Variants in CLIP4 observed in about 807,000 individuals in gnomAD.
The protein encoded by CLIP4 is CAP-Gly domain containing linker protein family member 4, also known as CAP-Gly domain-containing linker protein 4.
Under a neutral mutation model 73.1 loss-of-function variants are expected in CLIP4, and 47 were observed. The observed-to-expected ratio is 0.64, with a 90% CI of 0.51 to 0.82. The LOEUF is 0.82. Among genes scored for constraint, CLIP4 ranks in the 40% least tolerant of loss-of-function variants. CLIP4 has a pLI of 0.00. For missense variants in CLIP4, 874 were observed against 852.9 expected, an observed-to-expected ratio of 1.02 and a Z score of -0.31; for synonymous variants, 306 against 295.4, an observed-to-expected ratio of 1.04 and a Z score of -0.37.
Position 29,161,982 on chromosome 2 carries a change from G to C in CLIP4, c.1534+1515G>C, listed in dbSNP as rs80215034. Among the ~76,000 whole-genome samples, 1,066 of 152,262 alleles carry C rather than the reference G, an allele frequency of 7.0e-3. 10 individuals carry two copies. Among genetic ancestry groups the C allele is most frequent in the African/African-American group, 0.024 (1,000 of 41,534 alleles). On this transcript the variant is annotated intron_variant, in intron 12 of 15. Coordinates refer to ENST00000320081, the MANE Select transcript of CLIP4 (RefSeq NM_024692.6). ...AAGCCAACTGCGTGATTTGAGTTAG[G>C]TGTTTTATAATTCATGACTTTCTTA...
chr2:29,142,322 A>G (rs79498864), intron 6 of CLIP4, among the ~76,000 whole-genome samples: 1 of 151,364 alleles, frequency 6.6e-6, no homozygotes, highest in African/African-American at 2.4e-5. Context: ...TTTTTTTTTA[A>G]CAGAAGTTTC....
chr2:29,167,594 T>G (rs1005101001), intron 14 of CLIP4, 54 bp downstream of exon 14: 19 of 1,409,354 alleles, frequency 1.3e-5, no homozygotes, highest in Non-Finnish European at 1.9e-5. Flanking sequence ...TTTCATTTAT[T>G]GAAAAATTTT....
At chr2:29,151,412 TGA>T (rs150784503) in intron 8 of CLIP4, among the ~76,000 whole-genome samples, 11 of 151,278 alleles carry the variant, frequency 7.3e-5, no homozygotes, top group Middle Eastern at 3.4e-3. Context: ...TCACCAGGCT[TGA>T]GAGAGAGAGA....
At chr2:29,117,302 T>A (rs2197620) in intron 1 of CLIP4, among the ~76,000 whole-genome samples, 20,965 of 151,346 alleles carry the variant, frequency 0.14, 1,952 homozygotes, top group Middle Eastern at 0.26. Context: ...AATTTTAATA[T>A]TTTTTTTCTT....
chr2:29,167,684 C>T, intron 14 of CLIP4, 144 bp downstream of exon 14: 6 of 525,188 alleles, frequency 1.1e-5, no homozygotes, highest in Non-Finnish European at 1.9e-5. Flanking sequence ...ACATCTGTTA[C>T]CTGTCCCCTG....
rs551719292 is a variant in CLIP4, at chr2:29,177,110, A to G, written c.1796+2665A>G. Among the ~76,000 whole-genome samples the G allele has an allele frequency of 3.1e-4, 47 of 152,176 alleles. 1 individual carries two copies. The Middle Eastern group carries it at 0.01, about 33-fold the overall frequency. On this transcript the variant is annotated intron_variant, in intron 15 of 15. Transcript: ENST00000320081. ...AACTGTATGCTTTTCAGGAGTATAAAAAGTAACAAACAGTTTGGCCAGGCA... is the reference window on the plus strand; with the variant it reads ...AACTGTATGCTTTTCAGGAGTATAAGAAGTAACAAACAGTTTGGCCAGGCA...
intron 8 of CLIP4, among the ~76,000 whole-genome samples, chr2:29,148,775 C>G (rs1450677438): frequency 6.6e-6 from 1 of 152,130 alleles, no homozygotes. Flanking sequence ...AAAGTATTAC[C>G]TTAAATATAC....
At chr2:29,179,134 G>T (rs765556395) in intron 15 of CLIP4, among the ~76,000 whole-genome samples, 2 of 152,156 alleles carry the variant, frequency 1.3e-5, no homozygotes, top group African/African-American at 2.4e-5. Context: ...TTTATTTGCA[G>T]TTTATTTTAA....
At chr2:29,124,750 A>G (rs1664488665) in intron 2 of CLIP4, among the ~76,000 whole-genome samples, 1 of 152,000 alleles carries the variant, frequency 6.6e-6, no homozygotes, top group Non-Finnish European at 1.5e-5. Context: ...TTCATTTCAG[A>G]TGAAGTTTTC....
At chr2:29,150,329 A>G (rs1666470206) in intron 8 of CLIP4, among the ~76,000 whole-genome samples, 1 of 152,206 alleles carries the variant, frequency 6.6e-6, no homozygotes, top group Non-Finnish European at 1.5e-5. Flanking sequence ...TTCTCTTTTA[A>G]TCATCGTAAG....
At chr2:29,147,973 A>T (rs76116206) in intron 8 of CLIP4, among the ~76,000 whole-genome samples, 1,886 of 152,290 alleles carry the variant, frequency 0.012, 40 homozygotes, top group African/African-American at 0.043. Flanking sequence ...TTAGCAACAC[A>T]TAGGGCAGAG....
intron 3 of CLIP4, chr2:29,131,863 G>T (rs562562404): frequency 1.9e-5 from 7 of 371,208 alleles, no homozygotes; most frequent in Non-Finnish European, 2.9e-5. Flanking sequence ...ATCATTACAC[G>T]CATAGAAATA....
chr2:29,165,265 T>TC (rs929610906), intron 13 of CLIP4, among the ~76,000 whole-genome samples: 16 of 151,794 alleles, frequency 1.1e-4, no homozygotes, highest in African/African-American at 2.9e-4. Flanking sequence ...TTTCTTTCTT[T>TC]TTTTTTTGTA....
chr2:29,167,270 ATTATCT>A (rs1667683361), intron 13 of CLIP4, among the ~76,000 whole-genome samples, 200 bp from the exon 14 acceptor site: 1 of 152,198 alleles, frequency 6.6e-6, no homozygotes, highest in African/African-American at 2.4e-5. Context: ...TTCTACACTA[ATTATCT>A]TTAGATAGTG....
Position 29,140,348 on chromosome 2 carries a change from C to T in CLIP4, c.649-3361C>T, listed in dbSNP as rs369211253. 7.6e-3 allele frequency among the ~76,000 whole-genome samples: 1,155 copies of T among 151,960 alleles called. 16 individuals are homozygous for T. The highest frequency in any genetic ancestry group is 0.026 in the African/African-American group (1,084 of 41,392). ...TGCGGTGTTTGGTTTTTTGTCCTTG[C>T]GATAGTTTACTGAGAATGATGATTT... On this transcript the variant is annotated intron_variant, in intron 6 of 15. Coordinates refer to ENST00000320081, the MANE Select transcript of CLIP4 (RefSeq NM_024692.6).
Position 29,181,764 on chromosome 2 carries a change from A to T in CLIP4, c.1989A>T (p.Gly663=). 2 of 1,614,144 alleles carry T rather than the reference A, an allele frequency of 1.2e-6. No individual in the cohort carries two copies. Among genetic ancestry groups the T allele is most frequent in the East Asian group, 2.2e-5 (1 of 44,878 alleles). ...WLGLELRSAK[G]KNDGSVGDKR... ...GACTTGAGCTCCGAAGCGCCAAGGG[A>T]AAAAATGATGGGTCAGTGGGTGACA... The change falls in exon 16 of 16, where the codon GGA becomes GGT. Residue 663 remains glycine, a synonymous_variant. Transcript: ENST00000320081.
intron 6 of CLIP4, among the ~76,000 whole-genome samples, chr2:29,139,048 C>T (rs1434320169): frequency 2.6e-5 from 4 of 152,000 alleles, no homozygotes; most frequent in African/African-American, 4.8e-5. Context: ...GTTGAATAGG[C>T]GTAGTGACAG....
At chr2:29,141,406 T>G (rs1665757196) in intron 6 of CLIP4, among the ~76,000 whole-genome samples, 1 of 152,234 alleles carries the variant, frequency 6.6e-6, no homozygotes, top group South Asian at 2.1e-4. Flanking sequence ...ATCTGTCTAA[T>G]GCTTTCAGTG....
At chr2:29,125,941 G>A (rs1445036406) in intron 2 of CLIP4, among the ~76,000 whole-genome samples, 1 of 152,214 alleles carries the variant, frequency 6.6e-6, no homozygotes, top group Non-Finnish European at 1.5e-5. Flanking sequence ...TTGGGAGGCT[G>A]AGGCAGGTGG....
Sources: allele counts gnomAD v4.1 joint callset (sites outside exome capture counted in the v4.1 genomes callset), GRCh38; gene constraint gnomAD v4.1.1; transcripts MANE v1.5; gene names NCBI Gene and HGNC (gene_info 2026-07-23, HGNC 2026-07-21).